The following ZNF99 variants were observed in gnomAD, a reference collection of about 807,000 sequenced individuals.
ZNF99 encodes the protein zinc finger protein ENSP00000375192.
Under a neutral mutation model 12.8 loss-of-function variants are expected in ZNF99, and 8 were observed. The ratio of observed to expected loss-of-function variants is 0.62; its 90% CI spans 0.37 to 1.13. ZNF99 has a LOEUF of 1.13. Among genes scored for constraint, ZNF99 ranks in the 50% most tolerant of loss-of-function variants. The pLI, the probability that ZNF99 is intolerant of heterozygous loss-of-function variation, is 0.02. For missense variants in ZNF99, 1,007 were observed against 1,006.2 expected (o/e 1.00, Z -0.01); for synonymous variants, 318 against 319.0 (o/e 1.00, Z 0.03).
rs1472262491 is a variant in ZNF99 at position 22,770,255 on chromosome 19, C to T, written c.4-931G>A. ...ATATGCAGAGAAAATCTAAGAAAGGCAGGTGCCAGATTAAATGTGATCATT... is the reference window on the plus strand; with the variant it reads ...ATATGCAGAGAAAATCTAAGAAAGGTAGGTGCCAGATTAAATGTGATCATT... On this transcript the variant is annotated intron_variant, in intron 1 of 3. Transcript: ENST00000596209. 8 of 208,160 alleles carry T rather than the reference C, an allele frequency of 3.8e-5. No homozygotes were observed. The East Asian group carries it at 1.1e-3, about 28-fold the overall frequency. 12.9% of individuals were successfully genotyped at this position (208,160 alleles called of 1,614,324 possible). A position where few individuals can be genotyped will look rare whatever the true frequency, so the allele number is the denominator to read the frequency against.
chr19:22,774,302 G>A (rs1209701639), intron 1 of ZNF99: 1 of 152,836 alleles, frequency 6.5e-6, no homozygotes. Flanking sequence ...GAAGAAAAGG[G>A]GCATATTCTC....
intron 3 of ZNF99, among the ~76,000 whole-genome samples, chr19:22,763,904 C>CTTTTTTT (rs965211065): frequency 5.9e-5 from 6 of 101,682 alleles, no homozygotes; most frequent in South Asian, 3.1e-4. Flanking sequence ...TTTTTCTTTC[C>CTTTTTTT]TTTTTTTTTT....
In ZNF99 at chr19:22,758,444, C is replaced by T. The variant is rs752681680; in HGVS notation, c.1465G>A (p.Ala489Thr). 59 of 1,612,996 alleles carry T rather than the reference C, an allele frequency of 3.7e-5. No individual in the cohort carries two copies. Among genetic ancestry groups the T allele is most frequent in the South Asian group, 2.3e-4 (21 of 91,052 alleles). Residue 489 changes from alanine to threonine, a missense_variant, in exon 4 of 4, where the codon GCT becomes ACT. Physicochemically the swap from Ala to Thr is moderately conservative, Grantham distance 58 (BLOSUM62 0). Coordinates refer to ENST00000596209, the MANE Select transcript of ZNF99 (RefSeq NM_001080409.3). ...KPYKCEECGK[A>T]FKWSSKLTVH... ...GTAAGTTTTGAGGACCACTTAAAAG[C>T]TTTACCACATTCTTCACATTTGTAG...
In ZNF99 at chr19:22,766,035, TATAAA is replaced by T. The variant is rs752443859; in HGVS notation, c.226+2265_226+2269del. Among the ~76,000 whole-genome samples the T allele has an allele frequency of 1.8e-3, 271 of 152,066 alleles. 1 individual carries two copies. Among genetic ancestry groups the T allele is most frequent in the Non-Finnish European group, 3.3e-3 (225 of 67,976 alleles). On this transcript the variant is annotated intron_variant, in intron 3 of 3. Transcript: ENST00000596209. ...AATCTGCATAAATCTGAATACACAA[TATAAA>T]ATAATTTGTAATATTAATAACAAAC...
intron 1 of ZNF99, among the ~76,000 whole-genome samples, chr19:22,776,100 C>T (rs1278309436): frequency 1.3e-5 from 2 of 151,816 alleles, no homozygotes; most frequent in Non-Finnish European, 2.9e-5. Flanking sequence ...CCTGTAATCC[C>T]AGCATCTTGG....
intron 1 of ZNF99, 137 bp downstream of exon 1, chr19:22,783,875 CTG>C (rs1291606986): frequency 8.6e-7 from 1 of 1,161,316 alleles, no homozygotes; most frequent in East Asian, 2.4e-5. Flanking sequence ...CTGAAGGAGA[CTG>C]AGGCCGAGCT....
In ZNF99 at chr19:22,756,941, C is replaced by T; in HGVS notation, c.*373G>A. Reference sequence around the variant, plus strand: ...TTGAGACCACTTAAAAGCTTTACCACATTCTTCACATTTGTATGGTTTCTC... The same window carrying T: ...TTGAGACCACTTAAAAGCTTTACCATATTCTTCACATTTGTATGGTTTCTC... On this transcript the variant is annotated 3_prime_UTR_variant, in exon 4 of 4. Transcript: ENST00000596209. The T allele has an allele frequency of 6.2e-7, 1 of 1,610,644 alleles. No homozygotes were observed. The highest frequency in any genetic ancestry group is 1.1e-5 in the South Asian group (1 of 90,984).
rs757494134 is a variant in ZNF99, at chr19:22,772,007, C to T, written c.4-2683G>A. ...CTGGGATCACAGGCGTGAGCCACCG[C>T]GCCCAGCCTGCTCTGGCACATTCTA... On this transcript the variant is annotated intron_variant, in intron 1 of 3. Coordinates refer to ENST00000596209, the MANE Select transcript of ZNF99 (RefSeq NM_001080409.3). 2.4e-3 allele frequency among the ~76,000 whole-genome samples: 360 copies of T among 151,416 alleles called. 1 individual carries two copies. Among genetic ancestry groups the T allele is most frequent in the Admixed American group, 4.2e-3 (63 of 15,162 alleles).
Position 22,756,059 on chromosome 19 carries a change from A to C in ZNF99, c.*1255T>G. The C allele has an allele frequency of 7.6e-7, 1 of 1,312,556 alleles. No individual in the cohort carries two copies. Among genetic ancestry groups the C allele is most frequent in the South Asian group, 1.2e-5 (1 of 81,110 alleles). 81.3% of individuals were successfully genotyped at this position (1,312,556 alleles called of 1,614,324 possible). On this transcript the variant is annotated 3_prime_UTR_variant, in exon 4 of 4. Coordinates refer to ENST00000596209, the MANE Select transcript of ZNF99 (RefSeq NM_001080409.3). ...TTTGTGGGGTTTCTCTCCAGCATGA[A>C]TTGTTTTCTGCCTATTAAGGCTTGA...
At chr19:22,768,886 G>A (rs368853266) in intron 2 of ZNF99, among the ~76,000 whole-genome samples, 15 of 152,034 alleles carry the variant, frequency 9.9e-5, no homozygotes, top group African/African-American at 3.4e-4. Context: ...AAAATTAGCC[G>A]GGTGTGGTGG....
intron 1 of ZNF99, among the ~76,000 whole-genome samples, chr19:22,771,901 A>G (rs1973277025): frequency 1.4e-5 from 2 of 144,628 alleles, no homozygotes; most frequent in African/African-American, 2.6e-5. Flanking sequence ...TATTTTTAGT[A>G]GAGACAGGGT....
Position 22,755,545 on chromosome 19 carries a change from T to C in ZNF99, c.*1769A>G. ...ATTCTTCACATTTGTAAAGTATCTC[T>C]CCAGTATGAATTATCTTATGTTCAG... On this transcript the variant is annotated 3_prime_UTR_variant, in exon 4 of 4. Transcript: ENST00000596209. 1 of 312,798 alleles carries C rather than the reference T, an allele frequency of 3.2e-6. No homozygotes were observed. Among genetic ancestry groups the C allele is most frequent in the Non-Finnish European group, 6.5e-6 (1 of 154,556 alleles). 19.4% of individuals were successfully genotyped at this position (312,798 alleles called of 1,614,324 possible). A position where few individuals can be genotyped will look rare whatever the true frequency, so the allele number is the denominator to read the frequency against.
chr19:22,783,958 C>T, intron 1 of ZNF99, 56 bp downstream of exon 1: 1 of 1,613,040 alleles, frequency 6.2e-7, no homozygotes, highest in Non-Finnish European at 8.5e-7. Flanking sequence ...AGCCACTTTC[C>T]ACCGGTTCCA....
At chr19:22,774,640 TG>T (rs1430929325) in intron 1 of ZNF99, among the ~76,000 whole-genome samples, 4 of 151,698 alleles carry the variant, frequency 2.6e-5, no homozygotes, top group Admixed American at 2.6e-4. Context: ...GAGGCCGAGG[TG>T]GGTAGATCAT....
At chr19:22,769,953 T>A in intron 1 of ZNF99, 3 of 1,361,884 alleles carry the variant, frequency 2.2e-6, no homozygotes, top group South Asian at 1.2e-5. Flanking sequence ...ACAGAATAAG[T>A]CTTGTACATT....
intron 1 of ZNF99, 81 bp from the exon 2 acceptor site, chr19:22,769,405 G>A: frequency 1.4e-6 from 2 of 1,443,912 alleles, no homozygotes; most frequent in Non-Finnish European, 1.9e-6. Context: ...GGTGAAATGA[G>A]AGAGTAAAGA....
At chr19:22,780,503 GC>G (rs1973375727) in intron 1 of ZNF99, among the ~76,000 whole-genome samples, 1 of 151,996 alleles carries the variant, frequency 6.6e-6, no homozygotes, top group African/African-American at 2.4e-5. Context: ...GACCAGCATG[GC>G]CAACATGGAG....
intron 3 of ZNF99, among the ~76,000 whole-genome samples, chr19:22,767,302 A>G (rs959179421): frequency 3.3e-5 from 5 of 152,162 alleles, no homozygotes; most frequent in South Asian, 2.1e-4. Flanking sequence ...TTAATTAATT[A>G]AAAGGAAAAG....
rs948116458 is a variant in ZNF99 at position 22,753,391 on chromosome 19, G to A, written c.*3923C>T. The A allele has an allele frequency of 6.6e-6, 1 of 151,558 alleles. No individual in the cohort carries two copies. The highest frequency in any genetic ancestry group is 1.9e-4 in the East Asian group (1 of 5,182). The allele number at this position is 151,558 out of a possible 1,614,324, so 9.4% of individuals were successfully genotyped here. The stretch of plus-strand genomic sequence containing the variant: ...CTCTGACATTTACAGAGTTAATTTT[G>A]GATTGAATATTTTTCATATTTACTG... On this transcript the variant is annotated 3_prime_UTR_variant, in exon 4 of 4. Coordinates refer to ENST00000596209, the MANE Select transcript of ZNF99 (RefSeq NM_001080409.3).
Sources: allele counts gnomAD v4.1 joint callset (sites outside exome capture counted in the v4.1 genomes callset), GRCh38; gene constraint gnomAD v4.1.1; transcripts MANE v1.5; gene names NCBI Gene and HGNC (gene_info 2026-07-23, HGNC 2026-07-21).